The following ANKMY1 variants were observed in gnomAD, a reference collection of about 807,000 sequenced individuals.
ANKMY1 encodes the protein ankyrin repeat and MYND domain containing 1, also known as ankyrin repeat and MYND domain-containing protein 1.
Under a neutral mutation model 102.0 loss-of-function variants are expected in ANKMY1, and 98 were observed. That is an observed-to-expected ratio of 0.96 (90% CI 0.82 to 1.14). ANKMY1 has a LOEUF of 1.14. Among genes scored for constraint, ANKMY1 ranks in the 50% most tolerant of loss-of-function variants. The pLI is 0.00. For synonymous variants in ANKMY1, 582 were observed against 559.9 expected (o/e 1.04, Z -0.56); for missense variants, 1,330 against 1,347.6 (o/e 0.99, Z 0.20).
At chr2:240,525,048 T>G (rs528183153) in intron 7 of ANKMY1, among the ~76,000 whole-genome samples, 1 of 152,376 alleles carries the variant, frequency 6.6e-6, no homozygotes, top group East Asian at 1.9e-4. Flanking sequence ...GGAAAGGACC[T>G]TCAGGAAGCA....
At chr2:240,486,048 T>A (rs1183691221) in intron 15 of ANKMY1, among the ~76,000 whole-genome samples, 1 of 152,228 alleles carries the variant, frequency 6.6e-6, no homozygotes, top group Admixed American at 6.5e-5. Flanking sequence ...TCCAACATTA[T>A]AAGATTATTA....
upstream of ANKMY1, among the ~76,000 whole-genome samples, chr2:240,559,243 C>T (rs757497910): frequency 2.0e-5 from 3 of 152,204 alleles, no homozygotes; most frequent in Non-Finnish European, 2.9e-5. Context: ...GCAGAAAACC[C>T]ACCTCAACCA....
At chr2:240,546,741 ACAAAGAT>A (rs992684502) in intron 4 of ANKMY1, among the ~76,000 whole-genome samples, 3 of 152,260 alleles carry the variant, frequency 2.0e-5, no homozygotes, top group Non-Finnish European at 4.4e-5. Context: ...CTTTAAACCA[ACAAAGAT>A]CAAAAGAGAC....
At position 240,482,219 on chromosome 2, in the gene ANKMY1, C is replaced by G; in HGVS notation, c.2849G>C (p.Ser950Thr). 6.2e-7 allele frequency: 1 copy of G among 1,613,026 alleles called. No homozygotes were observed. The highest frequency in any genetic ancestry group is 8.5e-7 in the Non-Finnish European group (1 of 1,179,512). The change falls in exon 16 of 18, where the codon AGC becomes ACC. Residue 950 changes from serine (S) to threonine (T), a missense_variant. Transcript: ENST00000401804. Reference protein sequence around the residue: ...PSHRMKKKGPSLPRGLDVKEQ... With the variant: ...PSHRMKKKGPTLPRGLDVKEQ... Reference sequence around the variant, plus strand: ...CTTCACATCCAGGCCCCTGGGCAGGCTGGGGCCCTTCTTCTTCATCCTGTG... The same window carrying G: ...CTTCACATCCAGGCCCCTGGGCAGGGTGGGGCCCTTCTTCTTCATCCTGTG...
At chr2:240,492,806 T>C (rs2076803347) in intron 15 of ANKMY1, among the ~76,000 whole-genome samples, 1 of 152,120 alleles carries the variant, frequency 6.6e-6, no homozygotes, top group African/African-American at 2.4e-5. Context: ...TTCTCCTGCC[T>C]CAGCCTCGCT....
chr2:240,491,960 T>C (rs1423949209), intron 15 of ANKMY1, among the ~76,000 whole-genome samples: 6 of 152,186 alleles, frequency 3.9e-5, no homozygotes, highest in Non-Finnish European at 7.3e-5. Context: ...CTTCCTAGAC[T>C]TGAGAAGTTT....
intron 10 of ANKMY1, 150 bp downstream of exon 10, chr2:240,512,652 G>T: frequency 1.8e-6 from 2 of 1,087,886 alleles, no homozygotes; most frequent in Non-Finnish European, 2.5e-6. Context: ...TCATCTGGAC[G>T]GGTTGTTTCT....
intron 17 of ANKMY1, 100 bp downstream of exon 17, chr2:240,480,837 A>G: frequency 6.9e-7 from 1 of 1,445,256 alleles, no homozygotes; most frequent in Non-Finnish European, 9.2e-7. Flanking sequence ...ATCTGGAGAG[A>G]TTTTGGGAAA....
At chr2:240,552,695 T>C in intron 4 of ANKMY1, 1 of 627,698 alleles carries the variant, frequency 1.6e-6, no homozygotes, top group Non-Finnish European at 2.7e-6. Flanking sequence ...CTAAAGGACA[T>C]GTAACAATTT....
intron 15 of ANKMY1, among the ~76,000 whole-genome samples, chr2:240,490,052 T>C (rs921862872): frequency 4.6e-5 from 7 of 152,200 alleles, no homozygotes; most frequent in African/African-American, 1.7e-4. Context: ...TCATATAGTC[T>C]CTGATGATCT....
chr2:240,539,723 C>G (rs565294718), intron 4 of ANKMY1, among the ~76,000 whole-genome samples: 1 of 152,318 alleles, frequency 6.6e-6, no homozygotes, highest in East Asian at 1.9e-4. Context: ...ATGCATGATG[C>G]TAAGTGTCAG....
chr2:240,534,438 C>T (rs867244229), intron 4 of ANKMY1, among the ~76,000 whole-genome samples: 1 of 151,978 alleles, frequency 6.6e-6, no homozygotes, highest in Non-Finnish European at 1.5e-5. Context: ...GAGAACTCTA[C>T]AAAACATAAA....
intron 1 of ANKMY1, among the ~76,000 whole-genome samples, chr2:240,557,562 C>T (rs2092513355): frequency 6.6e-6 from 1 of 152,222 alleles, no homozygotes; most frequent in South Asian, 2.1e-4. Flanking sequence ...GTAAACTTCA[C>T]CCGCGTCCCC....
chr2:240,553,266 C>T (rs1019611577), intron 3 of ANKMY1: 8 of 597,220 alleles, frequency 1.3e-5, no homozygotes, highest in Admixed American at 3.0e-5. Flanking sequence ...AGCCAGGCTC[C>T]CTCTCTGTCT....
intron 4 of ANKMY1, among the ~76,000 whole-genome samples, chr2:240,550,672 G>C (rs2091354610): frequency 6.6e-6 from 1 of 152,014 alleles, no homozygotes; most frequent in Non-Finnish European, 1.5e-5. Flanking sequence ...AAATTGTGAG[G>C]TGGTATTTAA....
rs2083396770 is a variant in ANKMY1 at position 240,526,356 on chromosome 2, A to C, written c.1043T>G (p.Leu348Arg). ...AGCCTTTAGGATCATCTCCATGGAA[A>C]GTTGCTCTTTGGGCCCACAGGGTGC... ...GFAPCGPKEQ[L>R]SMEMILKAEE... The change falls in exon 6 of 18, where the codon CTT becomes CGT. Residue 348 changes from leucine to arginine, a missense_variant. Physicochemically the swap from Leu to Arg is moderately radical, Grantham distance 102. Transcript: ENST00000401804. 3.7e-6 allele frequency: 6 copies of C among 1,614,200 alleles called. No individual in the cohort carries two copies. The highest frequency in any genetic ancestry group is 5.1e-6 in the Non-Finnish European group (6 of 1,180,022).
the ANKMY1 span, among the ~76,000 whole-genome samples, chr2:240,472,706 A>AG: frequency 1.5e-5 from 1 of 68,252 alleles, no homozygotes; most frequent in Non-Finnish European, 2.9e-5. Flanking sequence ...TCCTGGAGGC[A>AG]ACCCTTCAGA....
In ANKMY1 at chr2:240,506,690, T is replaced by G. The variant is rs1215512306; in HGVS notation, c.2526+870A>C. Among the ~76,000 whole-genome samples, 2 of 140,160 alleles carry G rather than the reference T, an allele frequency of 1.4e-5. No individual in the cohort carries two copies. Among genetic ancestry groups the G allele is most frequent in the Non-Finnish European group, 3.1e-5 (2 of 65,150 alleles). The allele number at this position is 140,160 out of a possible 152,430, so 92.0% of individuals were successfully genotyped here. Reference sequence around the variant, plus strand: ...TCCCCCTTTTTCTCCCTCAGACAGGTAAGAACCAAAGTGTGTACCAAGATG... The same window carrying G: ...TCCCCCTTTTTCTCCCTCAGACAGGGAAGAACCAAAGTGTGTACCAAGATG... On this transcript the variant is annotated intron_variant, in intron 13 of 17. Coordinates refer to ENST00000401804, the MANE Select transcript of ANKMY1 (RefSeq NM_001282771.3). The surrounding 1 kb of genome is among the most constrained non-coding windows in gnomAD (Gnocchi z 4.9).
chr2:240,510,648 A>T (rs1312301621), intron 11 of ANKMY1, among the ~76,000 whole-genome samples: 1 of 152,028 alleles, frequency 6.6e-6, no homozygotes, highest in African/African-American at 2.4e-5. Flanking sequence ...CTTGCTGGCC[A>T]GGCCAAGGAG....
Sources: allele counts gnomAD v4.1 joint callset (sites outside exome capture counted in the v4.1 genomes callset), GRCh38; gene constraint gnomAD v4.1.1; non-coding constraint Gnocchi (gnomAD v3.1); transcripts MANE v1.5; gene names NCBI Gene and HGNC (gene_info 2026-07-23, HGNC 2026-07-21).